Variants in SEMA3E observed in about 807,000 individuals in gnomAD.
SEMA3E encodes the protein semaphorin 3E.
Under a neutral mutation model 93.6 loss-of-function variants are expected in SEMA3E, and 49 were observed. The ratio of observed to expected loss-of-function variants is 0.52; its 90% CI spans 0.42 to 0.66. The LOEUF (loss-of-function observed/expected upper bound fraction) is 0.66. Among genes scored for constraint, SEMA3E ranks in the 30% least tolerant of loss-of-function variants. SEMA3E has a pLI of 0.00. For synonymous variants in SEMA3E, 363 were observed against 330.7 expected (o/e 1.10, Z -1.06); for missense variants, 906 against 964.8 (o/e 0.94, Z 0.81).
At chr7:83,587,165 C>T (rs1792646890) in intron 1 of SEMA3E, among the ~76,000 whole-genome samples, 1 of 152,070 alleles carries the variant, frequency 6.6e-6, no homozygotes, top group African/African-American at 2.4e-5. Context: ...TATAATAAAT[C>T]ATATGCCAAA....
chr7:83,449,068 T>C (rs1238399933), intron 4 of SEMA3E, among the ~76,000 whole-genome samples: 2 of 151,106 alleles, frequency 1.3e-5, no homozygotes, highest in Non-Finnish European at 2.9e-5. Context: ...ACAATTAAAT[T>C]TTAAGTTTTA....
At chr7:83,590,882 T>C (rs950203493) in intron 1 of SEMA3E, among the ~76,000 whole-genome samples, 1 of 152,130 alleles carries the variant, frequency 6.6e-6, no homozygotes, top group Non-Finnish European at 1.5e-5. Context: ...TGTTAACTCA[T>C]TGTTAGCTGT....
intron 3 of SEMA3E, among the ~76,000 whole-genome samples, chr7:83,468,006 A>C (rs974110590): frequency 2.6e-5 from 4 of 152,242 alleles, no homozygotes; most frequent in Admixed American, 1.3e-4. Flanking sequence ...AAATTATGAA[A>C]TAAATACTAA....
chr7:83,644,433 C>G (rs748586642), intron 1 of SEMA3E, among the ~76,000 whole-genome samples: 43 of 151,894 alleles, frequency 2.8e-4, no homozygotes, highest in Admixed American at 2.0e-4. Context: ...CAAGGTTTTT[C>G]TCTTTAGGAC....
At chr7:83,496,809 G>A (rs1488610226) in intron 1 of SEMA3E, among the ~76,000 whole-genome samples, 3 of 151,928 alleles carry the variant, frequency 2.0e-5, no homozygotes, top group East Asian at 3.9e-4. Flanking sequence ...CCTTCATGCT[G>A]CTTCAAGCTG....
intron 1 of SEMA3E, among the ~76,000 whole-genome samples, chr7:83,527,569 A>G (rs12707590): frequency 0.53 from 80,139 of 151,910 alleles, 23,499 homozygotes; most frequent in Middle Eastern, 0.7. Context: ...CTAGTTGTAA[A>G]GCCTCAGATA....
intron 16 of SEMA3E, among the ~76,000 whole-genome samples, chr7:83,374,078 T>C (rs1338350672): frequency 6.6e-6 from 1 of 151,662 alleles, no homozygotes; most frequent in Non-Finnish European, 1.5e-5. Context: ...TGGTGGCATA[T>C]GGGTGTAAAC....
rs369724967 is a variant in SEMA3E, at chr7:83,466,619, G to C, written c.337-18C>G. On this transcript the variant is annotated intron_variant, in intron 3 of 16. Transcript: ENST00000643230. ...CATTCACCCTAAAGCAGGAAAAAAA[G>C]GGAAGGAATCTATCAGTATAATAAA... 1.2e-6 allele frequency: 2 copies of C among 1,611,702 alleles called. No homozygotes were observed. The highest frequency in any genetic ancestry group is 4.5e-5 in the East Asian group (2 of 44,840).
intron 1 of SEMA3E, among the ~76,000 whole-genome samples, chr7:83,575,982 G>T (rs1019175829): frequency 1.3e-5 from 2 of 152,130 alleles, no homozygotes; most frequent in East Asian, 3.9e-4. Flanking sequence ...GTTTTCAAAC[G>T]ATGTATTGTT....
intron 4 of SEMA3E, among the ~76,000 whole-genome samples, chr7:83,461,166 A>G (rs995802956): frequency 6.6e-6 from 1 of 152,114 alleles, no homozygotes; most frequent in Non-Finnish European, 1.5e-5. Context: ...GAGGTGCCTG[A>G]TGTCCAGACA....
chr7:83,452,281 T>C (rs1177766676), intron 4 of SEMA3E, among the ~76,000 whole-genome samples: 1 of 152,160 alleles, frequency 6.6e-6, no homozygotes. Context: ...CATTTCACTT[T>C]TCCTTATTTT....
chr7:83,580,058 T>C (rs1281243868), intron 1 of SEMA3E, among the ~76,000 whole-genome samples: 3 of 151,996 alleles, frequency 2.0e-5, no homozygotes. Context: ...TCAATTCCAT[T>C]AGAAAAGCGA....
chr7:83,379,458 AC>A, intron 16 of SEMA3E, among the ~76,000 whole-genome samples: 1 of 151,928 alleles, frequency 6.6e-6, no homozygotes, highest in South Asian at 2.1e-4. Flanking sequence ...CATATAAAGC[AC>A]TTAGAATAGC....
intron 4 of SEMA3E, among the ~76,000 whole-genome samples, chr7:83,451,561 T>C (rs1364498302): frequency 6.6e-6 from 1 of 152,154 alleles, no homozygotes; most frequent in Non-Finnish European, 1.5e-5. Context: ...TTCTAGTACT[T>C]GAGTAGCAAA....
chr7:83,389,980 T>C (rs1271250270), intron 14 of SEMA3E, among the ~76,000 whole-genome samples: 1 of 113,258 alleles, frequency 8.8e-6, no homozygotes, highest in African/African-American at 2.7e-5. Context: ...TACACATATA[T>C]ACGCGTATAT....
intron 4 of SEMA3E, among the ~76,000 whole-genome samples, chr7:83,463,634 T>C (rs369368876): frequency 4.7e-5 from 7 of 150,126 alleles, no homozygotes; most frequent in Admixed American, 1.3e-4. Context: ...ACCCTGATCA[T>C]GCTTGATTTA....
chr7:83,414,480 G>T (rs559673543), intron 5 of SEMA3E, among the ~76,000 whole-genome samples: 96 of 151,862 alleles, frequency 6.3e-4, no homozygotes, highest in Non-Finnish European at 1.2e-3. Context: ...ATTCACAAAG[G>T]TATTATTATT....
Position 83,367,288 on chromosome 7 carries a change from A to G in SEMA3E, c.*298T>C, listed in dbSNP as rs1379241101. 1 of 303,780 alleles carries G rather than the reference A, an allele frequency of 3.3e-6. No individual in the cohort carries two copies. Among genetic ancestry groups the G allele is most frequent in the African/African-American group, 2.2e-5 (1 of 45,944 alleles). 18.8% of individuals were successfully genotyped at this position (303,780 alleles called of 1,614,324 possible). On this transcript the variant is annotated 3_prime_UTR_variant, in exon 17 of 17. Transcript: ENST00000643230. ...TCTAATAATCTTGTCTTCCAAAAGTAAAATAATAATTTTCACAGAAAAGCA... is the reference window on the plus strand; with the variant it reads ...TCTAATAATCTTGTCTTCCAAAAGTGAAATAATAATTTTCACAGAAAAGCA...
intron 4 of SEMA3E, among the ~76,000 whole-genome samples, chr7:83,436,273 A>T (rs1221731729): frequency 6.6e-6 from 1 of 151,802 alleles, no homozygotes; most frequent in Non-Finnish European, 1.5e-5. Flanking sequence ...TAAGAAAATA[A>T]AAATGTTGTC....
Sources: gnomAD v4.1 joint callset for allele counts (sites outside exome capture counted in the v4.1 genomes callset) on GRCh38, gnomAD v4.1.1 for gene constraint, MANE v1.5 for transcripts, NCBI Gene and HGNC (gene_info 2026-07-23, HGNC 2026-07-21) for gene names.